Variants in ZNF398 observed in about 807,000 individuals in gnomAD.
ZNF398 encodes zinc finger protein 398, also known as zinc finger DNA binding protein ZER6.
A neutral mutation model predicts 41.9 loss-of-function variants in ZNF398; 18 were observed. The ratio of observed to expected loss-of-function variants is 0.43; its 90% CI spans 0.30 to 0.64. The LOEUF is 0.64. Among genes scored for constraint, ZNF398 ranks in the 30% least tolerant of loss-of-function variants. The pLI is 0.14. For synonymous variants in ZNF398, 260 were observed against 308.8 expected (o/e 0.84, Z 1.66); for missense variants, 669 against 822.8 (o/e 0.81, Z 2.29).
chr7:149,178,627 C>T (rs766757359), intron 5 of ZNF398, 21 bp from the exon 6 acceptor site: 2 of 1,603,508 alleles, frequency 1.2e-6, no homozygotes, highest in East Asian at 2.2e-5. Context: ...ATGGGTATAA[C>T]TCTGGAGTCT....
chr7:149,162,277 G>T (rs1795124077), intron 2 of ZNF398, among the ~76,000 whole-genome samples: 1 of 152,138 alleles, frequency 6.6e-6, no homozygotes, highest in East Asian at 1.9e-4. Flanking sequence ...CGCCTCCTGG[G>T]TTCACGCCAT....
intron 4 of ZNF398, among the ~76,000 whole-genome samples, chr7:149,171,305 T>TACAAA: frequency 6.6e-6 from 1 of 152,022 alleles, no homozygotes; most frequent in East Asian, 1.9e-4. Context: ...AAACATATTG[T>TACAAA]ACATATATAC....
In ZNF398 at chr7:149,163,307, C is replaced by T. The variant is rs180965198; in HGVS notation, c.421-2851C>T. On this transcript the variant is annotated intron_variant, in intron 2 of 5. Transcript: ENST00000475153. ...GGAACCTCCGCCTCCCAGGTTCAAG[C>T]GATTCTCCTGCCTCAGCCTCTTGAG... 4.0e-3 allele frequency among the ~76,000 whole-genome samples: 601 copies of T among 151,930 alleles called. 3 individuals are homozygous for T. Among genetic ancestry groups the T allele is most frequent in the African/African-American group, 0.014 (572 of 41,464 alleles).
At chr7:149,156,982 G>A (rs1020421096) in intron 2 of ZNF398, among the ~76,000 whole-genome samples, 1 of 152,070 alleles carries the variant, frequency 6.6e-6, no homozygotes, top group African/African-American at 2.4e-5. Context: ...CTTGCCCGAG[G>A]TCACATAGTT....
intron 2 of ZNF398, among the ~76,000 whole-genome samples, chr7:149,164,141 C>T (rs1795174235): frequency 6.7e-6 from 1 of 149,302 alleles, no homozygotes; most frequent in Non-Finnish European, 1.5e-5. Context: ...GGCGCAGTGG[C>T]TTGAGCCTGT....
At chr7:149,170,240 C>G (rs1346621937) in intron 4 of ZNF398, among the ~76,000 whole-genome samples, 1 of 152,170 alleles carries the variant, frequency 6.6e-6, no homozygotes, top group Non-Finnish European at 1.5e-5. Flanking sequence ...TGTCATTGTG[C>G]AGACATCACA....
At chr7:149,152,447 A>C (rs1240281250) in intron 1 of ZNF398, among the ~76,000 whole-genome samples, 1 of 151,546 alleles carries the variant, frequency 6.6e-6, no homozygotes, top group African/African-American at 2.4e-5. Flanking sequence ...TTTTTAGTAG[A>C]GACAGGGTTT....
chr7:149,144,042 T>C (rs1442577045), upstream of ZNF398, among the ~76,000 whole-genome samples: 3 of 152,176 alleles, frequency 2.0e-5, no homozygotes, highest in Non-Finnish European at 4.4e-5. Context: ...GTCAGTGAAA[T>C]TGCTTAATGA....
Position 149,178,635 on chromosome 7 carries a change from T to C in ZNF398, c.776-13T>C. ...GTTATTGATGGGTATAACTCTGGAG[T>C]CTTTTCTTTCAGATGAAGAGCTTGT... On this transcript the variant is annotated splice_polypyrimidine_tract_variant and intron_variant, in intron 5 of 5. Coordinates refer to ENST00000475153, the MANE Select transcript of ZNF398 (RefSeq NM_170686.3). The C allele has an allele frequency of 1.2e-6, 2 of 1,607,268 alleles. No homozygotes were observed. Among genetic ancestry groups the C allele is most frequent in the Non-Finnish European group, 8.5e-7 (1 of 1,176,728 alleles).
At chr7:149,134,415 T>A (rs1826670380) in intron 2 of ZNF398, among the ~76,000 whole-genome samples, 1 of 151,474 alleles carries the variant, frequency 6.6e-6, no homozygotes, top group South Asian at 2.1e-4. Flanking sequence ...TGATATGAGA[T>A]CTCATTCTGT....
chr7:149,162,736 A>G (rs968375551), intron 2 of ZNF398, among the ~76,000 whole-genome samples: 2 of 152,194 alleles, frequency 1.3e-5, no homozygotes, highest in African/African-American at 2.4e-5. Flanking sequence ...TGTTTGAGAA[A>G]AAGTCCATTT....
chr7:149,133,623 A>T (rs1826640603), intron 2 of ZNF398, among the ~76,000 whole-genome samples: 1 of 118,616 alleles, frequency 8.4e-6, no homozygotes, highest in African/African-American at 3.4e-5. Flanking sequence ...GAGCCACTGC[A>T]CCTGGCTTTT....
intron 4 of ZNF398, among the ~76,000 whole-genome samples, chr7:149,175,312 CTT>C (rs1360654521): frequency 6.6e-6 from 1 of 151,612 alleles, no homozygotes; most frequent in Non-Finnish European, 1.5e-5. Flanking sequence ...GACAAGCTCT[CTT>C]GTCAGCTTGC....
rs1018259795 is a variant in ZNF398, at chr7:149,180,216, G to A, written c.*415G>A. 6.2e-6 allele frequency: 1 copy of A among 160,576 alleles called. No homozygotes were observed. The highest frequency in any genetic ancestry group is 1.4e-5 in the Non-Finnish European group (1 of 73,232). The allele number at this position is 160,576 out of a possible 1,614,324, so 9.9% of individuals were successfully genotyped here. A position where few individuals can be genotyped will look rare whatever the true frequency, so the allele number is the denominator to read the frequency against. On this transcript the variant is annotated 3_prime_UTR_variant, in exon 6 of 6. Transcript: ENST00000475153. ...ACTGGAAGCCCATCATAAGGCATGA[G>A]AATGTTTAACTATAAAGCCTTTTAT... is the stretch of plus-strand genomic sequence containing the variant.
chr7:149,166,070 A>G, intron 2 of ZNF398, 88 bp from the exon 3 acceptor site: 1 of 1,429,770 alleles, frequency 7.0e-7, no homozygotes, highest in Non-Finnish European at 9.5e-7. Flanking sequence ...TGAAAATGTA[A>G]AAAAAATAAA....
At chr7:149,163,098 G>C (rs548049207) in intron 2 of ZNF398, among the ~76,000 whole-genome samples, 8 of 152,366 alleles carry the variant, frequency 5.3e-5, no homozygotes, top group Middle Eastern at 6.8e-3. Context: ...CTGAGATGCA[G>C]TTACAGTCAG....
chr7:149,161,981 G>A (rs1795113706), intron 2 of ZNF398, among the ~76,000 whole-genome samples: 1 of 152,050 alleles, frequency 6.6e-6, no homozygotes, highest in African/African-American at 2.4e-5. Context: ...TTTACATGTA[G>A]TTTAGAAAAA....
intron 4 of ZNF398, among the ~76,000 whole-genome samples, chr7:149,168,289 A>T (rs1260129370): frequency 6.6e-6 from 1 of 151,486 alleles, no homozygotes; most frequent in Admixed American, 6.6e-5. Flanking sequence ...TGTTGGCCAG[A>T]CTGGTCTCGA....
rs138652788 is a variant in ZNF398 at position 149,179,726 on chromosome 7, T to C, written c.1854T>C (p.Ser618=). 3.1e-6 allele frequency: 5 copies of C among 1,613,962 alleles called. No homozygotes were observed. Among genetic ancestry groups the C allele is most frequent in the Admixed American group, 1.7e-5 (1 of 59,990 alleles). Residue 618 remains serine, a synonymous_variant, in exon 6 of 6, where the codon TCT becomes TCC. Coordinates refer to ENST00000475153, the MANE Select transcript of ZNF398 (RefSeq NM_170686.3). The surrounding 1 kb of genome is among the most constrained non-coding windows in gnomAD (Gnocchi z 6.1). Reference sequence around the variant, plus strand: ...CCCTCATAACTGGGCTTGAAACTTCTGGCCTGGGTGTCAACACTGAAGGTC... The same window carrying C: ...CCCTCATAACTGGGCTTGAAACTTCCGGCCTGGGTGTCAACACTGAAGGTC... ...PGPLITGLET[S]GLGVNTEGLE...
Sources: gnomAD v4.1 joint callset for allele counts (sites outside exome capture counted in the v4.1 genomes callset) on GRCh38, gnomAD v4.1.1 for gene constraint, Gnocchi (gnomAD v3.1) non-coding constraint, MANE v1.5 for transcripts, NCBI Gene and HGNC (gene_info 2026-07-23, HGNC 2026-07-21) for gene names.